The following SLC2A13 variants were observed in gnomAD, a reference collection of about 807,000 sequenced individuals.
SLC2A13 encodes proton myo-inositol cotransporter.
In SLC2A13, 32 loss-of-function variants were observed where a neutral mutation model predicts 64.4. That is an observed-to-expected ratio of 0.50 (90% CI 0.37 to 0.67). The LOEUF (loss-of-function observed/expected upper bound fraction) is 0.67. SLC2A13 is among the 30% of genes least tolerant of loss of function. The pLI is 0.00. For synonymous variants in SLC2A13, 338 were observed against 327.1 expected (o/e 1.03, Z -0.36); for missense variants, 743 against 829.2 (o/e 0.90, Z 1.28).
intron 7 of SLC2A13, among the ~76,000 whole-genome samples, chr12:39,782,425 T>C (rs1359813387): frequency 2.0e-5 from 3 of 152,172 alleles, no homozygotes; most frequent in Non-Finnish European, 4.4e-5. Flanking sequence ...TTTCTCCTTT[T>C]GCTTCCTCCT....
intron 4 of SLC2A13, among the ~76,000 whole-genome samples, chr12:39,946,842 C>T (rs1054590671): frequency 4.1e-4 from 63 of 152,186 alleles, no homozygotes; most frequent in Admixed American, 2.7e-3. Flanking sequence ...GAAGTATGAA[C>T]GCCCCATTTG....
At chr12:40,026,706 A>G (rs1222006234) in intron 3 of SLC2A13, among the ~76,000 whole-genome samples, 3 of 152,202 alleles carry the variant, frequency 2.0e-5, no homozygotes, top group Non-Finnish European at 4.4e-5. Context: ...GTATTTAACA[A>G]TTTTTCTCTT....
chr12:40,031,484 G>A (rs1309406041), intron 2 of SLC2A13, among the ~76,000 whole-genome samples: 1 of 152,190 alleles, frequency 6.6e-6, no homozygotes, highest in African/African-American at 2.4e-5. Context: ...GCCTCCCAAA[G>A]TGCTGGGATT....
In SLC2A13 at chr12:39,867,455, G is replaced by GA. The variant is rs1489852170; in HGVS notation, c.1199-2574dup. 4.0e-5 allele frequency among the ~76,000 whole-genome samples: 6 copies of GA among 149,612 alleles called. No homozygotes were observed. The East Asian group carries it at 5.8e-4, about 15-fold the overall frequency. ...CATTTTCGCAATGTTGGCTATTTTTGAAAAAAACAAAAACAAAAACAAAAA... is the reference window on the plus strand; with the variant it reads ...CATTTTCGCAATGTTGGCTATTTTTGAAAAAAAACAAAAACAAAAACAAAAA... On this transcript the variant is annotated intron_variant, in intron 5 of 9. Transcript: ENST00000280871.
At chr12:39,921,039 A>G (rs1945607297) in intron 4 of SLC2A13, among the ~76,000 whole-genome samples, 1 of 152,112 alleles carries the variant, frequency 6.6e-6, no homozygotes, top group Middle Eastern at 3.2e-3. Flanking sequence ...CAAGCCCAAG[A>G]GAATACTGGG....
chr12:39,769,351 A>AAAACCAGG (rs1166645849), intron 7 of SLC2A13, among the ~76,000 whole-genome samples: 2 of 152,226 alleles, frequency 1.3e-5, no homozygotes, highest in African/African-American at 4.8e-5. Context: ...AAAATAAAAT[A>AAAACCAGG]AAACCAGGAA....
chr12:40,074,961 T>G (rs1286098965), intron 1 of SLC2A13, among the ~76,000 whole-genome samples: 1 of 152,146 alleles, frequency 6.6e-6, no homozygotes, highest in Non-Finnish European at 1.5e-5. Flanking sequence ...ATTCCCCTTT[T>G]CTCAAATAAA....
At chr12:39,855,778 T>C (rs1464044874) in intron 6 of SLC2A13, among the ~76,000 whole-genome samples, 1 of 152,232 alleles carries the variant, frequency 6.6e-6, no homozygotes, top group African/African-American at 2.4e-5. Flanking sequence ...GATACATTAT[T>C]TCATTGTTCT....
chr12:39,792,477 C>A (rs1009196681), intron 7 of SLC2A13, among the ~76,000 whole-genome samples: 1 of 152,086 alleles, frequency 6.6e-6, no homozygotes, highest in Admixed American at 6.5e-5. Flanking sequence ...TGAAATCTGG[C>A]ATGTATTTGG....
At chr12:39,771,231 T>TGTA (rs1192591260) in intron 7 of SLC2A13, among the ~76,000 whole-genome samples, 2 of 152,126 alleles carry the variant, frequency 1.3e-5, no homozygotes, top group Non-Finnish European at 2.9e-5. Context: ...TCATGCCTTG[T>TGTA]GTAGTTCCTT....
chr12:40,105,654 T>C lies in SLC2A13; in HGVS notation c.155A>G (p.Gln52Arg). 4.7e-6 allele frequency: 7 copies of C among 1,493,202 alleles called. No homozygotes were observed. The highest frequency in any genetic ancestry group is 6.2e-6 in the Non-Finnish European group (7 of 1,123,754). The allele number at this position is 1,493,202 out of a possible 1,614,324, so 92.5% of individuals were successfully genotyped here. The change falls in exon 1 of 10, where the codon CAG (glutamine) becomes CGG (arginine). Residue 52 changes from glutamine (Q) to arginine (R), a missense_variant. Gln to Arg is a conservative substitution (Grantham distance 43, BLOSUM62 1). This residue lies in a region of SLC2A13 where 448 missense variants were observed against 447.4 expected (regional missense o/e 1.00). Transcript: ENST00000280871. This position sits in a 1 kb window ranked among gnomAD's most constrained non-coding sequence, Gnocchi z 4.2. ...GCCGCCGCCGCCCGCGCCCGCGCTC[T>C]GCAGGCTGGTGCTCGATTCGGCGGC... ...LAAAESSTSL[Q>R]SAGAGGGGVG...
chr12:39,947,163 T>C (rs1055947481), intron 4 of SLC2A13, among the ~76,000 whole-genome samples: 2 of 152,202 alleles, frequency 1.3e-5, no homozygotes, highest in African/African-American at 4.8e-5. Context: ...GCTGGCAATA[T>C]TACTCTGCAA....
intron 3 of SLC2A13, among the ~76,000 whole-genome samples, chr12:40,005,015 T>G (rs967819678): frequency 2.6e-5 from 4 of 151,856 alleles, no homozygotes; most frequent in Non-Finnish European, 5.9e-5. Flanking sequence ...GGGAAGAAAA[T>G]CCACCTGTAA....
At chr12:40,054,679 T>C (rs985334207) in intron 1 of SLC2A13, among the ~76,000 whole-genome samples, 1 of 152,212 alleles carries the variant, frequency 6.6e-6, no homozygotes, top group Non-Finnish European at 1.5e-5. Context: ...GCCAAGCTGA[T>C]TCACCATCTC....
chr12:40,065,591 A>G (rs1937689410), intron 1 of SLC2A13, among the ~76,000 whole-genome samples: 1 of 152,120 alleles, frequency 6.6e-6, no homozygotes, highest in Non-Finnish European at 1.5e-5. Flanking sequence ...TCAAACAAAC[A>G]AACAAACAAA....
At position 40,031,318 on chromosome 12, in the gene SLC2A13, G is replaced by A. The variant is rs865972462; in HGVS notation, c.717-2809C>T. On this transcript the variant is annotated intron_variant, in intron 2 of 9. Coordinates refer to ENST00000280871, the MANE Select transcript of SLC2A13 (RefSeq NM_052885.4). ...GCTCACTGCAACCTCCGCCTCCCGGGTTCAAGCAATTCTCCTACCTCAGCC... is the reference window on the plus strand; with the variant it reads ...GCTCACTGCAACCTCCGCCTCCCGGATTCAAGCAATTCTCCTACCTCAGCC... Among the ~76,000 whole-genome samples, 48 of 152,280 alleles carry A rather than the reference G, an allele frequency of 3.2e-4. 1 individual carries two copies. Among genetic ancestry groups the A allele is most frequent in the South Asian group, 2.7e-3 (13 of 4,826 alleles).
intron 7 of SLC2A13, among the ~76,000 whole-genome samples, chr12:39,770,447 T>C (rs1291766117): frequency 2.0e-5 from 3 of 152,164 alleles, no homozygotes; most frequent in African/African-American, 7.2e-5. Flanking sequence ...CAAAAGCTTA[T>C]ATAATGAGCA....
At chr12:40,088,475 G>A (rs1388141145) in intron 1 of SLC2A13, among the ~76,000 whole-genome samples, 2 of 152,042 alleles carry the variant, frequency 1.3e-5, no homozygotes, top group Admixed American at 6.6e-5. Flanking sequence ...CATCATAATG[G>A]CTACCTTTTG....
At chr12:39,849,788 C>T (rs1019899645) in intron 6 of SLC2A13, among the ~76,000 whole-genome samples, 2 of 152,022 alleles carry the variant, frequency 1.3e-5, no homozygotes, top group Non-Finnish European at 1.5e-5. Context: ...TCTTTTAAGG[C>T]TTTAATATTT....
Sources: allele counts gnomAD v4.1 joint callset (sites outside exome capture counted in the v4.1 genomes callset), GRCh38; gene constraint gnomAD v4.1.1; regional missense constraint gnomAD v4.1.1; non-coding constraint Gnocchi (gnomAD v3.1); transcripts MANE v1.5; gene names NCBI Gene and HGNC (gene_info 2026-07-23, HGNC 2026-07-21).